Variants in FOCAD observed in about 807,000 individuals in gnomAD.
FOCAD encodes the protein KIAA1797.
Under a neutral mutation model 225.6 loss-of-function variants are expected in FOCAD, and 198 were observed. That is an observed-to-expected ratio of 0.88 (90% confidence interval 0.78 to 0.99). The LOEUF (loss-of-function observed/expected upper bound fraction) is 0.99, where lower values mean the gene tolerates loss of function less well. Among genes scored for constraint, FOCAD ranks in the 50% least tolerant of loss-of-function variants. The pLI, the probability that FOCAD is intolerant of heterozygous loss-of-function variation, is 0.00. For missense variants in FOCAD, 2,713 were observed against 2,123.6 expected (o/e 1.28, Z -5.46); for synonymous variants, 897 against 755.0 (o/e 1.19, Z -3.08).
intron 19 of FOCAD, among the ~76,000 whole-genome samples, chr9:20,876,039 T>C (rs974967729): frequency 2.0e-5 from 3 of 152,220 alleles, no homozygotes; most frequent in African/African-American, 4.8e-5. Flanking sequence ...CACATGGAAA[T>C]TCCTGTGAAA....
intron 33 of FOCAD, among the ~76,000 whole-genome samples, chr9:20,949,950 G>A (rs932218044): frequency 1.3e-5 from 2 of 152,070 alleles, no homozygotes; most frequent in African/African-American, 2.4e-5. Context: ...TGCGAGGAAT[G>A]TCAGGCCCTA....
intron 28 of FOCAD, among the ~76,000 whole-genome samples, chr9:20,937,424 A>G (rs1412509022): frequency 6.6e-6 from 1 of 152,192 alleles, no homozygotes; most frequent in Non-Finnish European, 1.5e-5. Context: ...AAATAATGCC[A>G]CATATCTACA....
intron 9 of FOCAD, among the ~76,000 whole-genome samples, chr9:20,779,735 A>G (rs1819175767): frequency 6.6e-6 from 1 of 151,566 alleles, no homozygotes; most frequent in Non-Finnish European, 1.5e-5. Context: ...GGGCAACAAG[A>G]GCGAAACTCC....
intron 33 of FOCAD, among the ~76,000 whole-genome samples, chr9:20,950,597 C>T (rs1387174834): frequency 6.6e-6 from 1 of 152,080 alleles, no homozygotes; most frequent in Non-Finnish European, 1.5e-5. Context: ...GCATAATTTA[C>T]AGAAGAGAAC....
chr9:20,985,747 G>A (rs1254594835), intron 39 of FOCAD, among the ~76,000 whole-genome samples: 1 of 151,730 alleles, frequency 6.6e-6, no homozygotes, highest in East Asian at 1.9e-4. Context: ...ATGTTTAATG[G>A]AACTAATAAT....
chr9:20,798,998 T>G (rs1391737063), intron 11 of FOCAD, among the ~76,000 whole-genome samples: 2 of 152,240 alleles, frequency 1.3e-5, no homozygotes, highest in East Asian at 3.8e-4. Context: ...GCTATAAATT[T>G]CCCTGTACAC....
chr9:20,707,028 G>A (rs1824446390), intron 1 of FOCAD, among the ~76,000 whole-genome samples: 1 of 152,178 alleles, frequency 6.6e-6, no homozygotes, highest in Non-Finnish European at 1.5e-5. Context: ...GAGAGAACTT[G>A]ATCACATATT....
At chr9:20,829,836 TTAA>T (rs1449170151) in intron 15 of FOCAD, among the ~76,000 whole-genome samples, 2 of 152,132 alleles carry the variant, frequency 1.3e-5, no homozygotes, top group Non-Finnish European at 1.5e-5. Context: ...TGCTAATGTT[TTAA>T]TAATATTTGT....
chr9:20,743,362 C>G (rs1054569204), intron 5 of FOCAD, among the ~76,000 whole-genome samples: 3 of 152,206 alleles, frequency 2.0e-5, no homozygotes, highest in Non-Finnish European at 4.4e-5. Flanking sequence ...TGCCAGTATT[C>G]AGCTGGGGCT....
At chr9:20,911,834 C>T (rs2891153) in intron 22 of FOCAD, among the ~76,000 whole-genome samples, 50,138 of 151,930 alleles carry the variant, frequency 0.33, 8,469 homozygotes, top group East Asian at 0.46. Flanking sequence ...TACTTTTCTT[C>T]TATACACTAT....
In FOCAD at chr9:20,778,084, C is replaced by T. The variant is rs1015025186; in HGVS notation, c.907-597C>T. Among the ~76,000 whole-genome samples the T allele has an allele frequency of 1.2e-4, 8 of 66,696 alleles. No individual in the cohort carries two copies. In the South Asian group the frequency reaches 2.4e-3, roughly 20 times the overall value. 43.8% of individuals were successfully genotyped at this position (66,696 alleles called of 152,430 possible). On this transcript the variant is annotated intron_variant, in intron 8 of 43. Coordinates refer to ENST00000338382, the MANE Select transcript of FOCAD (RefSeq NM_001375567.1). ...CCGCCTGGGCGACAGAACGAGACTC[C>T]GTCTCAAAAAAAAAAAAAAAAAAAA...
At chr9:20,691,702 G>C (rs1452380063) in intron 1 of FOCAD, among the ~76,000 whole-genome samples, 1 of 151,316 alleles carries the variant, frequency 6.6e-6, no homozygotes, top group Admixed American at 6.6e-5. Context: ...GGATGGTCTC[G>C]ATTTCCTAAC....
intron 15 of FOCAD, among the ~76,000 whole-genome samples, chr9:20,857,785 G>T (rs202067238): frequency 5.7e-5 from 6 of 106,008 alleles, no homozygotes; most frequent in Admixed American, 9.2e-5. Flanking sequence ...TTTTTTTTGA[G>T]TTTTTTTTTT....
At chr9:20,789,260 T>C in intron 10 of FOCAD, 91 bp from the exon 11 acceptor site, 1 of 1,392,428 alleles carries the variant, frequency 7.2e-7, no homozygotes, top group Admixed American at 1.8e-5. Flanking sequence ...AGGAGTGATA[T>C]CTTACAATGA....
At chr9:20,993,946 G>A (rs1841871157) in intron 43 of FOCAD, among the ~76,000 whole-genome samples, 1 of 152,160 alleles carries the variant, frequency 6.6e-6, no homozygotes, top group Admixed American at 6.5e-5. Context: ...GAAATCCAGA[G>A]TCCCATTGCC....
At chr9:20,825,773 T>C (rs1455900998) in intron 15 of FOCAD, among the ~76,000 whole-genome samples, 4 of 152,106 alleles carry the variant, frequency 2.6e-5, no homozygotes, top group African/African-American at 9.7e-5. Context: ...AGTTTAGAAT[T>C]ATTGCTGCTT....
intron 43 of FOCAD, among the ~76,000 whole-genome samples, chr9:20,993,885 ATT>A (rs910955291): frequency 6.6e-6 from 1 of 152,222 alleles, no homozygotes; most frequent in Non-Finnish European, 1.5e-5. Context: ...ATAGTAAAAT[ATT>A]CTTTTAATTA....
chr9:20,878,985 G>T (rs1830455397), intron 19 of FOCAD, among the ~76,000 whole-genome samples: 1 of 152,010 alleles, frequency 6.6e-6, no homozygotes, highest in African/African-American at 2.4e-5. Flanking sequence ...GTTCTCTCTG[G>T]GTCTCTGGAC....
At position 20,781,909 on chromosome 9, in the gene FOCAD, T is replaced by A; in HGVS notation, c.1177T>A (p.Tyr393Asn). The change falls in exon 10 of 44, where the codon TAC (tyrosine) becomes AAC (asparagine). Residue 393 changes from tyrosine to asparagine, a missense_variant. By Grantham distance (143) the Tyr-to-Asn change is moderately radical. Coordinates refer to ENST00000338382, the MANE Select transcript of FOCAD (RefSeq NM_001375567.1). ...NLLEMIQQEC[Y>N]RDDHQKLSYK... ...TTTGGAAATGATACAGCAGGAATGT[T>A]ACAGAGATGACCACCAAAAGGTAAT... 1 of 1,613,940 alleles carries A rather than the reference T, an allele frequency of 6.2e-7. No homozygotes were observed. The highest frequency in any genetic ancestry group is 8.5e-7 in the Non-Finnish European group (1 of 1,179,872).
Sources: gnomAD v4.1 joint callset for allele counts (sites outside exome capture counted in the v4.1 genomes callset) on GRCh38, gnomAD v4.1.1 for gene constraint, MANE v1.5 for transcripts, NCBI Gene and HGNC (gene_info 2026-07-23, HGNC 2026-07-21) for gene names.